DNAJB14: variants seen among roughly 807,000 people sequenced by gnomAD.
DNAJB14 encodes the protein dnaJ homolog subfamily B member 14.
Under a neutral mutation model 48.4 loss-of-function variants are expected in DNAJB14, and 22 were observed. The observed-to-expected ratio is 0.45, with a 90% CI of 0.32 to 0.65. The LOEUF (loss-of-function observed/expected upper bound fraction) is 0.65, where lower values mean the gene tolerates loss of function less well. Among genes scored for constraint, DNAJB14 ranks in the 30% least tolerant of loss-of-function variants. DNAJB14 has a pLI of 0.03. For synonymous variants in DNAJB14, 142 were observed against 158.7 expected (o/e 0.89, Z 0.79); for missense variants, 319 against 458.8 (o/e 0.70, Z 2.78).
intron 3 of DNAJB14, among the ~76,000 whole-genome samples, chr4:99,918,110 T>C (rs1725921790): frequency 6.6e-6 from 1 of 152,194 alleles, no homozygotes; most frequent in South Asian, 2.1e-4. Context: ...CACCTAAATA[T>C]TAGATCTTTT....
At chr4:99,923,989 C>A (rs894570953) in intron 2 of DNAJB14, 1 of 515,816 alleles carries the variant, frequency 1.9e-6, no homozygotes, top group Non-Finnish European at 2.5e-6. Flanking sequence ...ACAGTTTGTA[C>A]CTTAAAGATT....
intron 1 of DNAJB14, among the ~76,000 whole-genome samples, chr4:99,946,170 C>G (rs1727060238): frequency 6.6e-6 from 1 of 152,224 alleles, no homozygotes; most frequent in Non-Finnish European, 1.5e-5. Context: ...GAGAATGAAA[C>G]CCGGACATTT....
At chr4:99,938,120 A>AAAAAAAAAAAAAAAAAAAAAAAC (rs1726751251) in intron 1 of DNAJB14, among the ~76,000 whole-genome samples, 1 of 145,870 alleles carries the variant, frequency 6.9e-6, no homozygotes, top group Non-Finnish European at 1.5e-5. Flanking sequence ...AAAAAAAAAA[A>AAAAAAAAAAAAAAAAAAAAAAAC]AAAAAAATAG....
At chr4:99,930,136 A>C (rs1726408697) in intron 2 of DNAJB14, 2 of 184,878 alleles carry the variant, frequency 1.1e-5, no homozygotes. Flanking sequence ...ATGTAAAATA[A>C]AACAATTCTT....
chr4:99,925,031 A>G (rs1366976474), intron 2 of DNAJB14: 1 of 521,794 alleles, frequency 1.9e-6, no homozygotes, highest in African/African-American at 1.9e-5. Flanking sequence ...TGTATAATAT[A>G]AAATACACTG....
chr4:99,901,208 C>CT, intron 7 of DNAJB14, 56 bp from the exon 8 acceptor site: 1 of 1,482,008 alleles, frequency 6.7e-7, no homozygotes, highest in Non-Finnish European at 9.1e-7. Context: ...CACCTAGTTG[C>CT]TTAAGCTCAA....
rs1560728434 is a variant in DNAJB14 at position 99,901,081 on chromosome 4, T to C, written c.1087A>G (p.Met363Val). ...RLRRKADALS[M>V]DNCKELERLT... ...CGCTCTAATTCTTTACAGTTGTCCA[T>C]GCTCAAGGCATCTGCCTTCCTTCGG... The change falls in exon 8 of 8, where the codon ATG becomes GTG. Residue 363 changes from methionine (M) to valine (V), a missense_variant. By Grantham distance (21) the Met-to-Val change is conservative. Around this residue, in one of 3 missense-constraint regions of DNAJB14, gnomAD observed 166 missense variants for 236.3 expected, o/e 0.70. Coordinates refer to ENST00000442697, the MANE Select transcript of DNAJB14 (RefSeq NM_001031723.4). The C allele has an allele frequency of 1.9e-6, 3 of 1,611,056 alleles. No individual in the cohort carries two copies. Among genetic ancestry groups the C allele is most frequent in the East Asian group, 4.5e-5 (2 of 44,800 alleles).
intron 3 of DNAJB14, chr4:99,910,201 G>C (rs1725610983): frequency 6.6e-6 from 1 of 151,990 alleles, no homozygotes; most frequent in Non-Finnish European, 1.5e-5. Flanking sequence ...AGTATACCCT[G>C]CTGAATGAAA....
chr4:99,902,533 A>G (rs1231976221), intron 7 of DNAJB14, among the ~76,000 whole-genome samples: 1 of 152,184 alleles, frequency 6.6e-6, no homozygotes, highest in Admixed American at 6.5e-5. Flanking sequence ...TCTAACTGCC[A>G]CTAAATAGAG....
chr4:99,934,480 T>C (rs1578235273), intron 1 of DNAJB14, among the ~76,000 whole-genome samples: 1 of 151,480 alleles, frequency 6.6e-6, no homozygotes. Flanking sequence ...AAAAGAACAA[T>C]ATATATCAAA....
intron 1 of DNAJB14, among the ~76,000 whole-genome samples, chr4:99,944,220 A>C (rs1437359205): frequency 2.0e-5 from 3 of 152,210 alleles, no homozygotes; most frequent in Non-Finnish European, 4.4e-5. Flanking sequence ...AAGGATGGGT[A>C]CTATCAAAAC....
Position 99,946,550 on chromosome 4 carries a change from C to T in DNAJB14, c.22G>A (p.Ala8Thr). ...CGGGCGATCTCGACACATTTCTCAG[C>T]CTCATCCCTGTTCCCCTCCATAGCT... MEGNRDEAEKCVEIAREA... is the reference protein window; with the variant it reads MEGNRDETEKCVEIAREA... Residue 8 changes from alanine (A) to threonine (T), a missense_variant, in exon 1 of 8, where the codon GCT becomes ACT. Physicochemically the swap from Ala to Thr is moderately conservative, Grantham distance 58. Transcript: ENST00000442697. The T allele has an allele frequency of 6.2e-7, 1 of 1,613,870 alleles. No individual in the cohort carries two copies. Among genetic ancestry groups the T allele is most frequent in the Non-Finnish European group, 8.5e-7 (1 of 1,179,796 alleles).
In DNAJB14 at chr4:99,897,201, A is replaced by AAATATATAT. The variant is rs1553944897; in HGVS notation, c.*3826_*3827insATATATATT. Reference sequence around the variant, plus strand: ...TAATTAGCTGGGAAAAAAAAAAAAAAATATATATATATATATATACACCTA... The same window carrying AAATATATAT: ...TAATTAGCTGGGAAAAAAAAAAAAAAAATATATATATATATATATATATATATACACCTA... On this transcript the variant is annotated 3_prime_UTR_variant, in exon 8 of 8. Coordinates refer to ENST00000442697, the MANE Select transcript of DNAJB14 (RefSeq NM_001031723.4). The AAATATATAT allele has an allele frequency of 7.5e-6, 1 of 133,848 alleles. No individual in the cohort carries two copies. The highest frequency in any genetic ancestry group is 2.8e-5 in the African/African-American group (1 of 35,294). 8.3% of individuals were successfully genotyped at this position (133,848 alleles called of 1,614,324 possible).
chr4:99,906,008 T>C, intron 5 of DNAJB14: 1 of 1,297,430 alleles, frequency 7.7e-7, no homozygotes. Context: ...ACGCTATCAA[T>C]ATGCTGCAGG....
intron 1 of DNAJB14, among the ~76,000 whole-genome samples, chr4:99,938,166 C>A (rs1375790062): frequency 2.3e-5 from 3 of 132,560 alleles, no homozygotes; most frequent in African/African-American, 8.5e-5. Flanking sequence ...ATCCCAGCTA[C>A]TTGGGAGGCT....
chr4:99,932,088 G>A (rs1174134848), intron 1 of DNAJB14, among the ~76,000 whole-genome samples: 13 of 151,984 alleles, frequency 8.6e-5, no homozygotes, highest in African/African-American at 3.1e-4. Context: ...AAATACAGAA[G>A]TAAATCTTCA....
At chr4:99,907,211 G>T (rs1715166571) in intron 4 of DNAJB14, among the ~76,000 whole-genome samples, 1 of 152,118 alleles carries the variant, frequency 6.6e-6, no homozygotes, top group African/African-American at 2.4e-5. Flanking sequence ...CTGCCTGAAA[G>T]ATTTCTGATT....
At chr4:99,905,572 T>G (rs748562889) in intron 6 of DNAJB14, 25 bp downstream of exon 6, 1 of 1,569,574 alleles carries the variant, frequency 6.4e-7, no homozygotes, top group East Asian at 2.2e-5. Context: ...ATTCATTTTT[T>G]GTAAAACTTC....
chr4:99,925,782 TAAAG>T (rs1399378509), intron 2 of DNAJB14: 3 of 151,842 alleles, frequency 2.0e-5, no homozygotes, highest in South Asian at 2.1e-4. Context: ...TGGAGAAAAA[TAAAG>T]AAGCTAATAG....
Sources: allele counts gnomAD v4.1 joint callset (sites outside exome capture counted in the v4.1 genomes callset), GRCh38; gene constraint gnomAD v4.1.1; regional missense constraint gnomAD v4.1.1; transcripts MANE v1.5; gene names NCBI Gene and HGNC (gene_info 2026-07-23, HGNC 2026-07-21).